The following MYPN variants were observed in gnomAD, a reference collection of about 807,000 sequenced individuals.
MYPN encodes the protein myopalladin, also known as sarcomeric protein myopalladin, 145 kDa (MYOP).
MYPN carries 63 observed loss-of-function variants against 129.4 expected under a neutral mutation model. The ratio of observed to expected loss-of-function variants is 0.49; its 90% CI spans 0.40 to 0.60. MYPN has a LOEUF of 0.60. MYPN is among the 20% of genes least tolerant of loss of function. The pLI is 0.00. For synonymous variants in MYPN, 629 were observed against 600.9 expected, an observed-to-expected ratio of 1.05 and a Z score of -0.68; for missense variants, 1,596 against 1,635.4, an observed-to-expected ratio of 0.98 and a Z score of 0.42.
chr10:68,149,928 T>C, intron 5 of MYPN, 112 bp from the exon 6 acceptor site: 2 of 913,490 alleles, frequency 2.2e-6, no homozygotes, highest in East Asian at 2.5e-5. Context: ...AATACATCAG[T>C]TTTTTGGTTT....
At position 68,166,617 on chromosome 10, in the gene MYPN, C is replaced by T; in HGVS notation, c.1924C>T (p.Pro642Ser). 1 of 1,614,114 alleles carries T rather than the reference C, an allele frequency of 6.2e-7. No homozygotes were observed. Among genetic ancestry groups the T allele is most frequent in the Non-Finnish European group, 8.5e-7 (1 of 1,180,016 alleles). The part of the protein sequence containing the change: ...FNGQATKTPE[P>S]SSPVKEPPPV... ...CGGACAGGCAACAAAAACCCCAGAG[C>T]CTTCTTCCCCCGTGAAAGAGCCCCC... The change falls in exon 10 of 20, where the codon CCT becomes TCT. Residue 642 changes from proline (P) to serine (S), a missense_variant. By Grantham distance (74) the Pro-to-Ser change is moderately conservative (BLOSUM62 -1). Transcript: ENST00000358913.
chr10:68,148,292 A>G, intron 4 of MYPN, 61 bp from the exon 5 acceptor site: 1 of 1,365,776 alleles, frequency 7.3e-7, no homozygotes, highest in Non-Finnish European at 1.0e-6. Context: ...AGTTTTCCTA[A>G]AATAATTTTC....
chr10:68,147,388 C>T (rs900097010), intron 4 of MYPN, among the ~76,000 whole-genome samples: 5 of 152,176 alleles, frequency 3.3e-5, no homozygotes, highest in African/African-American at 1.2e-4. Flanking sequence ...AACTCTTGGT[C>T]TTAAGTGATC....
chr10:68,146,776 C>G (rs2042673628), intron 4 of MYPN, among the ~76,000 whole-genome samples: 2 of 152,326 alleles, frequency 1.3e-5, no homozygotes, highest in Non-Finnish European at 2.9e-5. Context: ...TCTTAAAATG[C>G]ATATACCACT....
chr10:68,163,933 A>G (rs1462183880), intron 8 of MYPN, among the ~76,000 whole-genome samples: 2 of 152,188 alleles, frequency 1.3e-5, no homozygotes, highest in Non-Finnish European at 2.9e-5. Flanking sequence ...CTACCACTTA[A>G]CAAGAATAGA....
upstream of MYPN, among the ~76,000 whole-genome samples, chr10:68,102,814 C>T (rs150740721): frequency 6.6e-6 from 1 of 152,208 alleles, no homozygotes; most frequent in East Asian, 1.9e-4. Context: ...ATAGATTTAT[C>T]CCCAGCTAAA....
Position 68,199,666 on chromosome 10 carries a change from T to C in MYPN, c.3493+91T>C, listed in dbSNP as rs953033032. 3.9e-6 allele frequency: 5 copies of C among 1,297,126 alleles called. No individual in the cohort carries two copies. In the African/African-American group the frequency reaches 7.3e-5, roughly 19 times the overall value. 80.4% of individuals were successfully genotyped at this position (1,297,126 alleles called of 1,614,324 possible). On this transcript the variant is annotated intron_variant, in intron 17 of 19. Coordinates refer to ENST00000358913, the MANE Select transcript of MYPN (RefSeq NM_032578.4). ...CCTCTGCCAGAATTCCTTCATCCTT[T>C]GCCCTACTAACTCCAATCTCAATTT... is the stretch of plus-strand genomic sequence containing the variant.
At chr10:68,197,904 A>G (rs1233729735) in intron 16 of MYPN, among the ~76,000 whole-genome samples, 1 of 152,174 alleles carries the variant, frequency 6.6e-6, no homozygotes, top group Non-Finnish European at 1.5e-5. Flanking sequence ...CAGGTAGCAT[A>G]GACAGTGTGA....
Position 68,175,340 on chromosome 10 carries a change from C to T in MYPN, c.2582C>T (p.Ala861Val), listed in dbSNP as rs769117339. The T allele has an allele frequency of 5.6e-6, 9 of 1,613,526 alleles. No individual in the cohort carries two copies. Among genetic ancestry groups the T allele is most frequent in the African/African-American group, 1.3e-5 (1 of 74,770 alleles). ...TCTTACAGGCCATCCCAGGGATTAG[C>T]GAAGAAAAATACAAAGTCTCCTCAA... is the stretch of plus-strand genomic sequence containing the variant. Reference protein sequence around the residue: ...SAPSMPSQGLAKKNTKSPQPV... With the variant: ...SAPSMPSQGLVKKNTKSPQPV... The change falls in exon 12 of 20, where the codon GCG (alanine) becomes GTG (valine). Residue 861 changes from alanine to valine, a missense_variant. By Grantham distance (64) the Ala-to-Val change is moderately conservative (BLOSUM62 0). Transcript: ENST00000358913.
chr10:68,097,081 G>T (rs367913780), intron 1 of MYPN, among the ~76,000 whole-genome samples: 40 of 152,230 alleles, frequency 2.6e-4, no homozygotes, highest in East Asian at 2.5e-3. Flanking sequence ...CTCCTTGGCA[G>T]TAGGTGAGTA....
chr10:68,147,647 T>C (rs1189504159), intron 4 of MYPN, among the ~76,000 whole-genome samples: 1 of 152,176 alleles, frequency 6.6e-6, no homozygotes, highest in Non-Finnish European at 1.5e-5. Flanking sequence ...ATTACTGATA[T>C]CTTTAACAAG....
In MYPN at chr10:68,143,108, T is replaced by C. The variant is rs1323471969; in HGVS notation, c.1071T>C (p.Tyr357=). 3 of 1,613,840 alleles carry C rather than the reference T, an allele frequency of 1.9e-6. No homozygotes were observed. Among genetic ancestry groups the C allele is most frequent in the Admixed American group, 3.3e-5 (2 of 59,998 alleles). ...CAGATTCGACTTCTGCTGAGATTTA[T>C]ATAGAAGGTAAAACAAAATGCTCTT... ...YGTDSTSAEI[Y]IEGVSSSDSE... is the part of the protein sequence containing the mutation. Residue 357 remains tyrosine (Y), a synonymous_variant, in exon 3 of 20, where the codon TAT becomes TAC. Transcript: ENST00000358913.
intron 17 of MYPN, among the ~76,000 whole-genome samples, chr10:68,200,941 T>G (rs534208009): frequency 1.8e-4 from 28 of 152,298 alleles, no homozygotes; most frequent in African/African-American, 6.5e-4. Context: ...TATTCCACTA[T>G]TTTGCTAAAA....
At chr10:68,202,098 A>G (rs2043725992) in intron 18 of MYPN, 104 bp downstream of exon 18, 3 of 1,344,738 alleles carry the variant, frequency 2.2e-6, no homozygotes, top group East Asian at 2.3e-5. Flanking sequence ...TTCATTTAGA[A>G]TAATGCATTT....
At chr10:68,188,217 C>T (rs2043451633) in intron 12 of MYPN, among the ~76,000 whole-genome samples, 1 of 152,128 alleles carries the variant, frequency 6.6e-6, no homozygotes. Context: ...TCAAGCAATT[C>T]TCATACCTCA....
chr10:68,201,963 G>A lies in MYPN; in HGVS notation c.3628G>A (p.Glu1210Lys), dbSNP rs779000111. The change falls in exon 18 of 20, where the codon GAG (glutamate) becomes AAG (lysine). Residue 1210 changes from glutamate to lysine, a missense_variant. Transcript: ENST00000358913. Reference protein sequence around the residue: ...PPVFYWKKDNETIPCTRERIS... With the variant: ...PPVFYWKKDNKTIPCTRERIS... The stretch of plus-strand genomic sequence containing the variant: ...TGTGTTCTACTGGAAGAAAGACAAT[G>A]AGACCATCCCTTGCACCAGAGAGAG... The A allele has an allele frequency of 2.7e-5, 44 of 1,614,056 alleles. No individual in the cohort carries two copies. The highest frequency in any genetic ancestry group is 9.9e-5 in the South Asian group (9 of 91,080).
upstream of MYPN, among the ~76,000 whole-genome samples, chr10:68,102,677 T>C (rs2041987620): frequency 6.6e-6 from 1 of 152,220 alleles, no homozygotes; most frequent in Non-Finnish European, 1.5e-5. Context: ...GTCTTGTTCC[T>C]TTGCAGGTGA....
At chr10:68,094,067 A>G (rs556442614) in intron 1 of MYPN, among the ~76,000 whole-genome samples, 5 of 152,252 alleles carry the variant, frequency 3.3e-5, no homozygotes, top group Middle Eastern at 3.4e-3. Context: ...GAGGACAACC[A>G]AAGGTCACTT....
Position 68,125,740 on chromosome 10 carries a change from A to T in MYPN, c.902+3400A>T, listed in dbSNP as rs1335787449. On this transcript the variant is annotated intron_variant, in intron 2 of 19. Transcript: ENST00000358913. ...TAGGAGGATTTTACTTGAACTTTGA[A>T]TAGTGAAAATTTAGGTAGAAAGTTT... 2.6e-5 allele frequency among the ~76,000 whole-genome samples: 4 copies of T among 152,338 alleles called. No homozygotes were observed. The East Asian group carries it at 7.7e-4, about 29-fold the overall frequency.
Sources: gnomAD v4.1 joint callset for allele counts (sites outside exome capture counted in the v4.1 genomes callset) on GRCh38, gnomAD v4.1.1 for gene constraint, MANE v1.5 for transcripts, NCBI Gene and HGNC (gene_info 2026-07-23, HGNC 2026-07-21) for gene names.